AUTS2: variants seen among roughly 807,000 people sequenced by gnomAD.
AUTS2 encodes autism susceptibility gene 2 protein.
Under a neutral mutation model 112.4 loss-of-function variants are expected in AUTS2, and 17 were observed. The observed-to-expected ratio is 0.15, with a 90% CI of 0.10 to 0.23. The LOEUF (loss-of-function observed/expected upper bound fraction) is 0.23. AUTS2 is among the 10% of genes least tolerant of loss of function. The pLI is 1.00. For missense variants in AUTS2, 1,510 were observed against 1,701.6 expected (o/e 0.89, Z 1.98); for synonymous variants, 751 against 702.7 (o/e 1.07, Z -1.09).
At chr7:70,364,586 TA>T (rs1175383600) in intron 4 of AUTS2, among the ~76,000 whole-genome samples, 1 of 147,722 alleles carries the variant, frequency 6.8e-6, no homozygotes, top group Non-Finnish European at 1.5e-5. Context: ...AATAAATAAA[TA>T]AATAAATAAA....
intron 5 of AUTS2, among the ~76,000 whole-genome samples, chr7:70,512,897 G>A (rs919574468): frequency 1.3e-5 from 2 of 152,056 alleles, no homozygotes; most frequent in Non-Finnish European, 2.9e-5. Context: ...GTGTGGGGGG[G>A]CAGTAGGTCT....
intron 5 of AUTS2, among the ~76,000 whole-genome samples, chr7:70,605,520 T>TTTTC (rs1554440346): frequency 6.8e-6 from 1 of 147,212 alleles, no homozygotes; most frequent in Non-Finnish European, 1.5e-5. Context: ...TTTCTTTTTT[T>TTTTC]TTTCTTTCTT....
At chr7:70,605,540 C>CTTTTTT (rs1803691102) in intron 5 of AUTS2, among the ~76,000 whole-genome samples, 1 of 68,068 alleles carries the variant, frequency 1.5e-5, no homozygotes, top group African/African-American at 7.2e-5. Context: ...TTCTTTCCTT[C>CTTTTTT]TTTCTCTTTT....
intron 1 of AUTS2, among the ~76,000 whole-genome samples, chr7:69,699,250 T>C (rs1797694455): frequency 6.6e-6 from 1 of 152,200 alleles, no homozygotes; most frequent in Non-Finnish European, 1.5e-5. Flanking sequence ...AAAATTGTAT[T>C]AAGAAGTATA....
At position 70,764,947 on chromosome 7, in the gene AUTS2, A is replaced by T. The variant is rs765645776; in HGVS notation, c.1410A>T (p.Pro470=). ...FAPPTALPPP[P]PLTSGSLQVA... is the part of the protein sequence containing the mutation. Reference sequence around the variant, plus strand: ...CTCCCACTGCTCTGCCTCCTCCACCACCACTGACATCAGGAAGTCTGCAGG... The same window carrying T: ...CTCCCACTGCTCTGCCTCCTCCACCTCCACTGACATCAGGAAGTCTGCAGG... Residue 470 remains proline, a synonymous_variant, in exon 8 of 19, where the codon CCA becomes CCT. Transcript: ENST00000342771. 9 of 1,590,070 alleles carry T rather than the reference A, an allele frequency of 5.7e-6. No individual in the cohort carries two copies. The highest frequency in any genetic ancestry group is 7.7e-6 in the Non-Finnish European group (9 of 1,172,746).
chr7:69,822,703 GC>G (rs917282489), intron 1 of AUTS2, among the ~76,000 whole-genome samples: 3 of 152,166 alleles, frequency 2.0e-5, no homozygotes, highest in African/African-American at 7.2e-5. Flanking sequence ...ATAGAATCTT[GC>G]CCCACCCAAG....
chr7:70,262,470 G>A (rs1330780344), intron 4 of AUTS2, among the ~76,000 whole-genome samples: 1 of 152,216 alleles, frequency 6.6e-6, no homozygotes, highest in Non-Finnish European at 1.5e-5. Context: ...CATCTTAGTT[G>A]TTACTGTGAA....
intron 5 of AUTS2, among the ~76,000 whole-genome samples, chr7:70,565,053 G>A (rs1049360835): frequency 6.6e-6 from 1 of 152,200 alleles, no homozygotes; most frequent in East Asian, 1.9e-4. Context: ...AGCCGAGGTC[G>A]TGCCAGTGTA....
rs78907173 is a variant in AUTS2, at chr7:70,415,797, T to C, written c.661-19955T>C. On this transcript the variant is annotated intron_variant, in intron 4 of 18. Transcript: ENST00000342771. ...AGGGAAAAACAAGCCTTGTGTGGGTTGGACCAGACCATTTGTAAGGCTCTT... is the reference window on the plus strand; with the variant it reads ...AGGGAAAAACAAGCCTTGTGTGGGTCGGACCAGACCATTTGTAAGGCTCTT... Among the ~76,000 whole-genome samples, 1,385 of 152,308 alleles carry C rather than the reference T, an allele frequency of 9.1e-3. 27 individuals are homozygous for C. The highest frequency in any genetic ancestry group is 0.032 in the African/African-American group (1,318 of 41,566).
rs1798545686 is a variant in AUTS2, at chr7:69,715,235, A to AG, written c.309+115273_309+115274insG. Among the ~76,000 whole-genome samples the AG allele has an allele frequency of 2.0e-5, 3 of 151,772 alleles. No individual in the cohort carries two copies. The South Asian group carries it at 6.2e-4, about 32-fold the overall frequency. ...TTTTCTTCAGGCATAAGTAAAAAAAAAAAAAAAAAAAGGAAAAAGTGATTT... is the reference window on the plus strand; with the variant it reads ...TTTTCTTCAGGCATAAGTAAAAAAAAGAAAAAAAAAAAGGAAAAAGTGATTT... On this transcript the variant is annotated intron_variant, in intron 1 of 18. Transcript: ENST00000342771.
chr7:70,606,065 A>G (rs749227499), intron 5 of AUTS2, among the ~76,000 whole-genome samples: 1 of 152,198 alleles, frequency 6.6e-6, no homozygotes, highest in Non-Finnish European at 1.5e-5. Context: ...AGCTGGTGCT[A>G]TATGTCCAGA....
At chr7:69,647,940 T>C (rs1166936462) in intron 1 of AUTS2, among the ~76,000 whole-genome samples, 2 of 152,226 alleles carry the variant, frequency 1.3e-5, no homozygotes, top group South Asian at 2.1e-4. Flanking sequence ...AGTGTTCTCC[T>C]TGTGTCTTTA....
In AUTS2 at chr7:69,600,111, G is replaced by C. The variant is rs986311242; in HGVS notation, c.309+149G>C. ...CTAGGCTGAGGTCTTATTGTTGGTG[G>C]GGGGAGCTGGGGGCGCGGGCAGACA... is the stretch of plus-strand genomic sequence containing the variant. On this transcript the variant is annotated intron_variant, in intron 1 of 18. Transcript: ENST00000342771. 4.6e-6 allele frequency: 4 copies of C among 877,434 alleles called. No individual in the cohort carries two copies. The Admixed American group carries it at 7.1e-5, about 16-fold the overall frequency. The allele number at this position is 877,434 out of a possible 1,614,324, so 54.4% of individuals were successfully genotyped here.
At position 69,599,413 on chromosome 7, in the gene AUTS2, G is replaced by C; in HGVS notation, c.-241G>C. ...GGTGCTGTGGGGAGCCCCACACTTG[G>C]GCTCCTCGCCTCTCGCCCTCGCTCC... On this transcript the variant is annotated 5_prime_UTR_variant, in exon 1 of 19. Coordinates refer to ENST00000342771, the MANE Select transcript of AUTS2 (RefSeq NM_015570.4). The surrounding 1 kb of genome is among the most constrained non-coding windows in gnomAD (Gnocchi z 7.0). 2.7e-6 allele frequency: 1 copy of C among 373,094 alleles called. No individual in the cohort carries two copies. The allele number at this position is 373,094 out of a possible 1,614,324, so 23.1% of individuals were successfully genotyped here. A position where few individuals can be genotyped will look rare whatever the true frequency, so the allele number is the denominator to read the frequency against.
chr7:69,699,540 A>G (rs1217428816), intron 1 of AUTS2, among the ~76,000 whole-genome samples: 9 of 152,038 alleles, frequency 5.9e-5, no homozygotes, highest in Admixed American at 2.0e-4. Context: ...ATAGCTGCTT[A>G]ATATTTCATT....
intron 1 of AUTS2, among the ~76,000 whole-genome samples, chr7:69,677,976 A>T (rs979370665): frequency 2.0e-5 from 3 of 152,302 alleles, no homozygotes; most frequent in Non-Finnish European, 4.4e-5. Flanking sequence ...GGAAAAGCCC[A>T]TTTTGAGACC....
At chr7:70,185,381 A>G (rs1809547573) in intron 4 of AUTS2, among the ~76,000 whole-genome samples, 1 of 148,864 alleles carries the variant, frequency 6.7e-6, no homozygotes, top group African/African-American at 2.5e-5. Flanking sequence ...TGCTGGGATT[A>G]CAGTTGTGAG....
intron 2 of AUTS2, among the ~76,000 whole-genome samples, chr7:70,054,088 T>C (rs902468088): frequency 4.6e-5 from 7 of 152,192 alleles, no homozygotes; most frequent in African/African-American, 1.7e-4. Context: ...ATGTGCACTA[T>C]TCAATTCGGT....
chr7:69,846,760 G>T (rs1368458091), intron 1 of AUTS2, among the ~76,000 whole-genome samples: 4 of 152,132 alleles, frequency 2.6e-5, no homozygotes, highest in African/African-American at 9.7e-5. Flanking sequence ...TTTTAGTAGA[G>T]ACAGGGTTTC....
Sources: gnomAD v4.1 joint callset for allele counts (sites outside exome capture counted in the v4.1 genomes callset) on GRCh38, gnomAD v4.1.1 for gene constraint, Gnocchi (gnomAD v3.1) non-coding constraint, MANE v1.5 for transcripts, NCBI Gene and HGNC (gene_info 2026-07-23, HGNC 2026-07-21) for gene names.